The following SNRPN variants were observed in gnomAD, a reference collection of about 807,000 sequenced individuals.
The protein encoded by SNRPN is small nuclear ribonucleoprotein-associated protein N.
Under a neutral mutation model 25.2 loss-of-function variants are expected in SNRPN, and 7 were observed. The observed-to-expected ratio is 0.28, with a 90% CI of 0.16 to 0.52. The LOEUF (loss-of-function observed/expected upper bound fraction) is 0.52, where lower values mean the gene tolerates loss of function less well. SNRPN is among the 20% of genes least tolerant of loss of function. SNRPN has a pLI of 0.96. For missense variants in SNRPN, 196 were observed against 322.5 expected, an observed-to-expected ratio of 0.61 and a Z score of 3.00; for synonymous variants, 124 against 110.6, an observed-to-expected ratio of 1.12 and a Z score of -0.76.
At chr15:24,922,695 G>T (rs1037979270) in intron 3 of SNRPN, among the ~76,000 whole-genome samples, 2 of 151,750 alleles carry the variant, frequency 1.3e-5, no homozygotes, top group African/African-American at 4.8e-5. Context: ...TGCATTTTCT[G>T]TATTTATCCA....
intron 2 of SNRPN, chr15:24,850,509 C>T (rs1167640343): frequency 1.3e-5 from 2 of 152,204 alleles, no homozygotes; most frequent in Non-Finnish European, 2.9e-5. Context: ...CGGGGTTTCA[C>T]CATGTTTTTT....
chr15:24,898,156 CT>C (rs1311198500), intron 2 of SNRPN, among the ~76,000 whole-genome samples: 1 of 151,744 alleles, frequency 6.6e-6, no homozygotes, highest in Non-Finnish European at 1.5e-5. Context: ...GGGAGAAGCA[CT>C]TGGAAAAAAA....
intron 1 of SNRPN, among the ~76,000 whole-genome samples, chr15:24,956,620 CT>C (rs1284940856): frequency 2.0e-5 from 3 of 152,314 alleles, no homozygotes; most frequent in African/African-American, 4.8e-5. Context: ...GCTTACGCAG[CT>C]TTTGCCTGGA....
At chr15:24,833,102 C>A (rs183357362) in intron 2 of SNRPN, among the ~76,000 whole-genome samples, 3,169 of 42,752 alleles carry the variant, frequency 0.074, 143 homozygotes, top group African/African-American at 0.22. Flanking sequence ...GAGACTCTGT[C>A]TCAAAAAAAA....
chr15:24,864,044 G>A (rs1274181269), intron 1 of SNRPN, among the ~76,000 whole-genome samples: 2 of 111,922 alleles, frequency 1.8e-5, no homozygotes, highest in South Asian at 5.3e-4. Context: ...TTTTTTTTTT[G>A]GAGAGGGAGT....
intron 1 of SNRPN, among the ~76,000 whole-genome samples, chr15:24,881,586 AGAGAGAGAGAGAGAG>A (rs1566864392): frequency 2.8e-4 from 19 of 66,692 alleles, no homozygotes; most frequent in African/African-American, 1.1e-3. Context: ...GGAGGGAGGG[AGAGAGAGAGAGAGAG>A]AGAGAGAGAG....
intron 3 of SNRPN, chr15:24,968,741 G>A (rs1340579392): frequency 2.0e-5 from 3 of 151,758 alleles, no homozygotes; most frequent in African/African-American, 7.3e-5. Context: ...TTTTTGTTTT[G>A]TCTTTTTCTC....
chr15:24,824,540 A>G (rs1276814774), intron 1 of SNRPN, among the ~76,000 whole-genome samples: 1 of 152,160 alleles, frequency 6.6e-6, no homozygotes, highest in Non-Finnish European at 1.5e-5. Flanking sequence ...GCCACTCAGG[A>G]AATGTCATAC....
intron 1 of SNRPN, among the ~76,000 whole-genome samples, chr15:24,873,682 C>T (rs1297935179): frequency 1.3e-5 from 2 of 151,918 alleles, no homozygotes; most frequent in Admixed American, 6.6e-5. Flanking sequence ...CTCCTGACCT[C>T]GTGATCCACC....
At chr15:24,977,962 AGATAGCTTACT>A (rs2077255113) in intron 8 of SNRPN, 46 bp downstream of exon 8, 1 of 1,498,804 alleles carries the variant, frequency 6.7e-7, no homozygotes, top group Non-Finnish European at 9.0e-7. Context: ...CTCTGATGAG[AGATAGCTTACT>A]GATTTAAGAC....
chr15:24,948,852 G>T (rs1284742566), intron 3 of SNRPN, among the ~76,000 whole-genome samples: 2 of 151,580 alleles, frequency 1.3e-5, no homozygotes, highest in Admixed American at 1.3e-4. Flanking sequence ...CCATCCTATG[G>T]TTGGAAAATT....
intron 2 of SNRPN, among the ~76,000 whole-genome samples, chr15:24,843,290 T>A (rs967955267): frequency 6.6e-6 from 1 of 152,200 alleles, no homozygotes; most frequent in Non-Finnish European, 1.5e-5. Flanking sequence ...ACTACAAGCA[T>A]ATGGTTTCAT....
intron 2 of SNRPN, among the ~76,000 whole-genome samples, chr15:24,836,603 G>T (rs1366862665): frequency 6.6e-6 from 1 of 151,942 alleles, no homozygotes; most frequent in Non-Finnish European, 1.5e-5. Flanking sequence ...AGTAAAGATG[G>T]GGTTTCACCA....
At chr15:24,925,123 C>G (rs1348520288) in intron 3 of SNRPN, among the ~76,000 whole-genome samples, 2 of 152,092 alleles carry the variant, frequency 1.3e-5, no homozygotes, top group Non-Finnish European at 2.9e-5. Flanking sequence ...GAAGGCTGTA[C>G]TGAAGTTATT....
intron 2 of SNRPN, among the ~76,000 whole-genome samples, chr15:24,916,694 G>C (rs1377044137): frequency 6.6e-6 from 1 of 152,230 alleles, no homozygotes; most frequent in Non-Finnish European, 1.5e-5. Context: ...GTCAGCATTT[G>C]TTGAGGAAGT....
At chr15:24,974,995 G>A (rs1379007742) in intron 4 of SNRPN, 2 of 702,788 alleles carry the variant, frequency 2.8e-6, no homozygotes, top group African/African-American at 3.5e-5. Context: ...CTTTGAAAAT[G>A]GAAGGGTTTT....
At chr15:24,904,942 CAAA>C (rs33929037) in intron 2 of SNRPN, among the ~76,000 whole-genome samples, 5 of 88,226 alleles carry the variant, frequency 5.7e-5, no homozygotes, top group Admixed American at 1.4e-4. Context: ...GACTCCGTCT[CAAA>C]AAAAAAAAAA....
chr15:24,970,334 C>A (rs1384184028), intron 3 of SNRPN, among the ~76,000 whole-genome samples: 2 of 152,140 alleles, frequency 1.3e-5, no homozygotes, highest in African/African-American at 4.8e-5. Flanking sequence ...CATCCTAGCA[C>A]TTGGGGAGGC....
chr15:24,898,472 C>T lies in SNRPN; in HGVS notation c.-505+11883C>T, dbSNP rs928100171. 3.9e-5 allele frequency among the ~76,000 whole-genome samples: 6 copies of T among 151,958 alleles called. 1 individual carries two copies. Among genetic ancestry groups the T allele is most frequent in the Admixed American group, 3.9e-4 (6 of 15,242 alleles). ...GCATGGTGGCGGGCTCCTGTAGTCCCAGCTACTCGGGAGAGTGAGGCAGGA... is the reference window on the plus strand; with the variant it reads ...GCATGGTGGCGGGCTCCTGTAGTCCTAGCTACTCGGGAGAGTGAGGCAGGA... On this transcript the variant is annotated intron_variant, in intron 2 of 11. Transcript: ENST00000400097.
Sources: gnomAD v4.1 joint callset for allele counts (sites outside exome capture counted in the v4.1 genomes callset) on GRCh38, gnomAD v4.1.1 for gene constraint, MANE v1.5 for transcripts, NCBI Gene and HGNC (gene_info 2026-07-23, HGNC 2026-07-21) for gene names.